IGF2BP3: variants seen among roughly 807,000 people sequenced by gnomAD.
The protein encoded by IGF2BP3 is insulin-like growth factor 2 mRNA-binding protein 3.
IGF2BP3 carries 9 observed loss-of-function variants against 73.8 expected under a neutral mutation model. That is an observed-to-expected ratio of 0.12 (90% CI 0.07 to 0.21). The LOEUF is 0.21. Ranked by LOEUF, IGF2BP3 falls within the 10% of genes least tolerant of loss-of-function variation. IGF2BP3 has a pLI of 1.00. For missense variants in IGF2BP3, 542 were observed against 714.0 expected (o/e 0.76, Z 2.75); for synonymous variants, 258 against 256.7 (o/e 1.01, Z -0.05).
At chr7:23,397,060 G>A (rs955482531) in intron 3 of IGF2BP3, among the ~76,000 whole-genome samples, 2 of 152,140 alleles carry the variant, frequency 1.3e-5, no homozygotes, top group South Asian at 2.1e-4. Context: ...CTATTCTGAG[G>A]TTCAGACCCA....
chr7:23,450,237 T>C (rs1425243679), intron 2 of IGF2BP3, among the ~76,000 whole-genome samples: 11 of 152,364 alleles, frequency 7.2e-5, no homozygotes, highest in South Asian at 2.1e-4. Context: ...AAAGCACTTC[T>C]GCTACCTATC....
chr7:23,441,410 T>A (rs1787929921), intron 2 of IGF2BP3, among the ~76,000 whole-genome samples: 1 of 151,414 alleles, frequency 6.6e-6, no homozygotes, highest in Non-Finnish European at 1.5e-5. Flanking sequence ...CCATCTCTAC[T>A]AAAAATACAA....
chr7:23,420,764 G>A (rs1314626254), intron 2 of IGF2BP3, among the ~76,000 whole-genome samples: 2 of 152,114 alleles, frequency 1.3e-5, no homozygotes, highest in Non-Finnish European at 2.9e-5. Flanking sequence ...AATGGAGGAG[G>A]GAAGGAAGAG....
chr7:23,451,113 T>C (rs1788186409), intron 2 of IGF2BP3, among the ~76,000 whole-genome samples: 1 of 151,882 alleles, frequency 6.6e-6, no homozygotes, highest in South Asian at 2.1e-4. Context: ...GAAAAACAGT[T>C]CTCTTTTATA....
At chr7:23,358,417 T>G (rs545310381) in intron 5 of IGF2BP3, among the ~76,000 whole-genome samples, 2 of 152,302 alleles carry the variant, frequency 1.3e-5, no homozygotes, top group Admixed American at 1.3e-4. Context: ...CAGGTTGGTT[T>G]AGGCAGCAGG....
intron 2 of IGF2BP3, among the ~76,000 whole-genome samples, chr7:23,428,369 G>C (rs1787574607): frequency 6.6e-6 from 1 of 151,842 alleles, no homozygotes; most frequent in African/African-American, 2.4e-5. Context: ...CTACTCAGGA[G>C]GCTGAGGCAG....
rs1238517313 is a variant in IGF2BP3, at chr7:23,406,173, T to C, written c.285+12603A>G. On this transcript the variant is annotated intron_variant, in intron 3 of 14. Coordinates refer to ENST00000258729, the MANE Select transcript of IGF2BP3 (RefSeq NM_006547.3). ...AAACACTGATGGAGGGAAGAAGCTA[T>C]AGTTCCAAGGGGATGGATTGAACCT... Among the ~76,000 whole-genome samples, 3 of 152,142 alleles carry C rather than the reference T, an allele frequency of 2.0e-5. No individual in the cohort carries two copies. The South Asian group carries it at 6.2e-4, about 32-fold the overall frequency.
intron 2 of IGF2BP3, among the ~76,000 whole-genome samples, chr7:23,467,400 T>C (rs906450052): frequency 3.3e-5 from 5 of 152,188 alleles, no homozygotes; most frequent in Admixed American, 6.5e-5. Context: ...CTGATTTAAA[T>C]TAACTTTCAG....
chr7:23,367,524 TA>T (rs922701419), intron 3 of IGF2BP3, among the ~76,000 whole-genome samples: 1 of 150,234 alleles, frequency 6.7e-6, no homozygotes, highest in Admixed American at 6.6e-5. Flanking sequence ...CATACCTAAA[TA>T]AAATCTTAAA....
chr7:23,371,525 T>A (rs554353831), intron 3 of IGF2BP3, among the ~76,000 whole-genome samples: 1 of 152,262 alleles, frequency 6.6e-6, no homozygotes, highest in African/African-American at 2.4e-5. Flanking sequence ...TAAAGAAATA[T>A]CCACCTTAAT....
chr7:23,388,130 G>T (rs558246825), intron 3 of IGF2BP3, among the ~76,000 whole-genome samples: 2 of 152,062 alleles, frequency 1.3e-5, no homozygotes, highest in African/African-American at 2.4e-5. Context: ...GTAGAGGCGG[G>T]GTTTCACCGT....
rs899684109 is a variant in IGF2BP3, at chr7:23,437,415, G to A, written c.237-18591C>T. Among the ~76,000 whole-genome samples, 10 of 151,952 alleles carry A rather than the reference G, an allele frequency of 6.6e-5. 1 individual carries two copies. Among genetic ancestry groups the A allele is most frequent in the Admixed American group, 5.3e-4 (8 of 15,216 alleles). Reference sequence around the variant, plus strand: ...GGAGAATCGCTTAAACCCAGGAGGCGGAGGTTGCAGTGAGCCGAGATGGCA... The same window carrying A: ...GGAGAATCGCTTAAACCCAGGAGGCAGAGGTTGCAGTGAGCCGAGATGGCA... On this transcript the variant is annotated intron_variant, in intron 2 of 14. Coordinates refer to ENST00000258729, the MANE Select transcript of IGF2BP3 (RefSeq NM_006547.3).
Position 23,445,530 on chromosome 7 carries a change from C to T in IGF2BP3, c.236+22952G>A, listed in dbSNP as rs1032159340. ...GTATGACTAAGTAAAACTACTTTTA[C>T]TTAGTTCCTGTGGGTGTTTTGTACA... On this transcript the variant is annotated intron_variant, in intron 2 of 14. Coordinates refer to ENST00000258729, the MANE Select transcript of IGF2BP3 (RefSeq NM_006547.3). Among the ~76,000 whole-genome samples the T allele has an allele frequency of 3.3e-5, 5 of 152,184 alleles. No homozygotes were observed. In the Middle Eastern group the frequency reaches 0.01, roughly 311 times the overall value.
chr7:23,466,024 G>GT (rs71552233), intron 2 of IGF2BP3, among the ~76,000 whole-genome samples: 15,930 of 142,358 alleles, frequency 0.11, 926 homozygotes, highest in South Asian at 0.18. Context: ...GAGAAAAAAG[G>GT]TTTTTTTTTT....
chr7:23,394,855 T>A (rs759240995), intron 3 of IGF2BP3, among the ~76,000 whole-genome samples: 4 of 152,232 alleles, frequency 2.6e-5, no homozygotes, highest in African/African-American at 4.8e-5. Context: ...ATGTCCTTTA[T>A]GGGAAAGATA....
chr7:23,386,478 G>A (rs1428677276), intron 3 of IGF2BP3, among the ~76,000 whole-genome samples: 1 of 152,134 alleles, frequency 6.6e-6, no homozygotes, highest in African/African-American at 2.4e-5. Flanking sequence ...AGTGACCAAA[G>A]GGACACAGGA....
intron 3 of IGF2BP3, among the ~76,000 whole-genome samples, chr7:23,385,478 G>A (rs1285758476): frequency 6.6e-6 from 1 of 152,126 alleles, no homozygotes; most frequent in Non-Finnish European, 1.5e-5. Context: ...ATTTAAGGTT[G>A]AGATCACTGC....
intron 2 of IGF2BP3, among the ~76,000 whole-genome samples, chr7:23,455,053 T>C (rs921438190): frequency 3.3e-5 from 5 of 152,228 alleles, no homozygotes; most frequent in African/African-American, 4.8e-5. Context: ...TATAAAGTAC[T>C]GAAGACGCAA....
chr7:23,350,835 C>T (rs1784941531), intron 6 of IGF2BP3, among the ~76,000 whole-genome samples: 1 of 152,228 alleles, frequency 6.6e-6, no homozygotes, highest in South Asian at 2.1e-4. Flanking sequence ...ATTCTAATTA[C>T]ATGGCTTAAT....
Sources: gnomAD v4.1 joint callset for allele counts (sites outside exome capture counted in the v4.1 genomes callset) on GRCh38, gnomAD v4.1.1 for gene constraint, MANE v1.5 for transcripts, NCBI Gene and HGNC (gene_info 2026-07-23, HGNC 2026-07-21) for gene names.